Variants in RANBP2 observed in about 807,000 individuals in gnomAD.
RANBP2 encodes the protein RAN binding protein 2, also known as E3 SUMO-protein ligase RanBP2.
RANBP2 carries 57 observed loss-of-function variants against 303.6 expected under a neutral mutation model. That is an observed-to-expected ratio of 0.19 (90% CI 0.15 to 0.23). RANBP2 has a LOEUF of 0.23. RANBP2 is among the 10% of genes least tolerant of loss of function. The probability of loss-of-function intolerance (pLI) is 1.00; values close to 1 mark genes in which losing one functional copy is unlikely to be tolerated. For synonymous variants in RANBP2, 1,167 were observed against 1,301.5 expected (o/e 0.90, Z 2.23); for missense variants, 3,138 against 3,780.8 (o/e 0.83, Z 4.46).
At chr2:109,456,204 C>T in the RANBP2 span, among the ~76,000 whole-genome samples, 5 of 152,196 alleles carry the variant, frequency 3.3e-5, no homozygotes, top group African/African-American at 1.2e-4. Context: ...GGCAGCTCTG[C>T]TGGTTAGTGG....
At chr2:108,898,872 G>A in the RANBP2 span, among the ~76,000 whole-genome samples, 2 of 152,158 alleles carry the variant, frequency 1.3e-5, no homozygotes, top group Non-Finnish European at 2.9e-5. Flanking sequence ...AACTAGAAGT[G>A]GAAATTACTC....
chr2:109,103,526 C>G, the RANBP2 span, among the ~76,000 whole-genome samples: 3 of 152,168 alleles, frequency 2.0e-5, no homozygotes, highest in Non-Finnish European at 4.4e-5. Context: ...ATTTTCTGAT[C>G]AGCAGTTGGT....
the RANBP2 span, among the ~76,000 whole-genome samples, chr2:109,598,518 G>A: frequency 2.6e-5 from 4 of 152,124 alleles, no homozygotes; most frequent in Non-Finnish European, 4.4e-5. Context: ...GAGAGCGAGA[G>A]AGAACAAAAA....
the RANBP2 span, among the ~76,000 whole-genome samples, chr2:109,056,287 C>A: frequency 6.6e-6 from 1 of 152,142 alleles, no homozygotes; most frequent in African/African-American, 2.4e-5. Context: ...CTGCCTCAGC[C>A]TGTGGAGTAA....
At chr2:109,609,064 T>C in the RANBP2 span, among the ~76,000 whole-genome samples, 15 of 152,312 alleles carry the variant, frequency 9.8e-5, no homozygotes, top group Admixed American at 4.6e-4. Flanking sequence ...AATCAATCAA[T>C]TAATCCAAAC....
the RANBP2 span, chr2:108,878,520 T>A: frequency 4.6e-6 from 1 of 215,140 alleles, no homozygotes; most frequent in Non-Finnish European, 9.9e-6. Context: ...ACTGTCATCT[T>A]ACCATATCAG....
rs1004209250 is a variant in RANBP2 at position 108,772,997 on chromosome 2, G to C, written c.8243G>C (p.Gly2748Ala). 6.2e-7 allele frequency: 1 copy of C among 1,613,934 alleles called. No individual in the cohort carries two copies. Among genetic ancestry groups the C allele is most frequent in the African/African-American group, 1.3e-5 (1 of 75,066 alleles). Residue 2748 changes from glycine to alanine, a missense_variant, in exon 23 of 29, where the codon GGA (glycine) becomes GCA (alanine). By Grantham distance (60) the Gly-to-Ala change is moderately conservative. This residue lies in a region of RANBP2 where 497 missense variants were observed against 465.8 expected (regional missense o/e 1.07). Transcript: ENST00000283195. Reference sequence around the variant, plus strand: ...TGTAGTGATACTGATGAAGACAATGGAAATGGGGAGGACTTTCAATCAGAG... The same window carrying C: ...TGTAGTGATACTGATGAAGACAATGCAAATGGGGAGGACTTTCAATCAGAG... ...GVCSDTDEDN[G>A]NGEDFQSELQ... is the part of the protein sequence containing the mutation.
chr2:109,585,379 C>A, the RANBP2 span: 1 of 1,368,706 alleles, frequency 7.3e-7, no homozygotes, highest in Non-Finnish European at 1.0e-6. Flanking sequence ...AGAAATACAA[C>A]TGTAAATGCC....
chr2:109,379,155 T>C, the RANBP2 span, among the ~76,000 whole-genome samples: 1 of 152,216 alleles, frequency 6.6e-6, no homozygotes, highest in Non-Finnish European at 1.5e-5. Flanking sequence ...TTTCACAGAT[T>C]TGTTTTCAGT....
the RANBP2 span, among the ~76,000 whole-genome samples, chr2:109,328,137 C>T: frequency 1.3e-5 from 2 of 152,192 alleles, no homozygotes; most frequent in Non-Finnish European, 2.9e-5. Context: ...CAAAAAACAG[C>T]CAAACCATTG....
the RANBP2 span, among the ~76,000 whole-genome samples, chr2:109,674,210 G>T: frequency 3.3e-5 from 5 of 151,744 alleles, no homozygotes; most frequent in Non-Finnish European, 7.4e-5. Context: ...AACAATAAAT[G>T]TTGAAGATAA....
chr2:109,487,407 C>T, the RANBP2 span, among the ~76,000 whole-genome samples: 2 of 152,190 alleles, frequency 1.3e-5, no homozygotes, highest in Admixed American at 1.3e-4. Flanking sequence ...ATTGTTAGTA[C>T]TGGGAATTCC....
At chr2:109,266,199 T>TTGTGTGC in the RANBP2 span, among the ~76,000 whole-genome samples, 1 of 151,310 alleles carries the variant, frequency 6.6e-6, no homozygotes, top group Non-Finnish European at 1.5e-5. Flanking sequence ...GTGTTGTGTG[T>TTGTGTGC]TGTGTGCATA....
the RANBP2 span, among the ~76,000 whole-genome samples, chr2:109,455,067 TC>T: frequency 7.2e-5 from 11 of 152,186 alleles, no homozygotes; most frequent in Non-Finnish European, 1.3e-4. Flanking sequence ...TCAGAGACCT[TC>T]AGAGACTTGC....
At position 108,767,020 on chromosome 2, in the gene RANBP2, G is replaced by C. The variant is rs755693856; in HGVS notation, c.6481G>C (p.Gly2161Arg). 5 of 1,610,314 alleles carry C rather than the reference G, an allele frequency of 3.1e-6. No individual in the cohort carries two copies. The highest frequency in any genetic ancestry group is 4.2e-6 in the Non-Finnish European group (5 of 1,179,724). Residue 2161 changes from glycine (G) to arginine (R), a missense_variant, in exon 20 of 29, where the codon GGC (glycine) becomes CGC (arginine). Gly to Arg is a moderately radical substitution (Grantham distance 125). Around this residue, in one of 20 missense-constraint regions of RANBP2, gnomAD observed 103 missense variants for 214.3 expected, o/e 0.48. Transcript: ENST00000283195. ...LQTPHKLVDT[G>R]RAAKLIQRAE... Reference sequence around the variant, plus strand: ...AACTCCCCATAAACTTGTAGATACTGGCAGAGCTGCCAAGTTAATACAGAG... The same window carrying C: ...AACTCCCCATAAACTTGTAGATACTCGCAGAGCTGCCAAGTTAATACAGAG...
the RANBP2 span, among the ~76,000 whole-genome samples, chr2:109,047,311 C>G: frequency 2.6e-5 from 4 of 152,194 alleles, no homozygotes; most frequent in African/African-American, 9.6e-5. Flanking sequence ...CTAGAGGTCA[C>G]AGGGGACTTT....
chr2:109,202,802 G>A, the RANBP2 span, among the ~76,000 whole-genome samples: 1 of 152,192 alleles, frequency 6.6e-6, no homozygotes, highest in Admixed American at 6.5e-5. Context: ...TTAAGCAAAG[G>A]GGGTCGAGAG....
At chr2:109,328,062 C>T in the RANBP2 span, among the ~76,000 whole-genome samples, 37 of 152,250 alleles carry the variant, frequency 2.4e-4, no homozygotes, top group South Asian at 7.0e-3. Context: ...AAGAAAATCC[C>T]AGGCATCATA....
At chr2:109,497,891 C>T in the RANBP2 span, among the ~76,000 whole-genome samples, 34 of 152,376 alleles carry the variant, frequency 2.2e-4, no homozygotes, top group South Asian at 6.2e-3. Context: ...GAAATCATCT[C>T]GCCCTTTGCC....
Sources: allele counts gnomAD v4.1 joint callset (sites outside exome capture counted in the v4.1 genomes callset), GRCh38; gene constraint gnomAD v4.1.1; regional missense constraint gnomAD v4.1.1; transcripts MANE v1.5; gene names NCBI Gene and HGNC (gene_info 2026-07-23, HGNC 2026-07-21).